Variants in GPHN observed in about 807,000 individuals in gnomAD.
GPHN encodes gephyrin.
Under a neutral mutation model 95.5 loss-of-function variants are expected in GPHN, and 17 were observed. That is an observed-to-expected ratio of 0.18 (90% CI 0.12 to 0.27). The LOEUF is 0.27. GPHN is among the 10% of genes least tolerant of loss of function. The pLI is 1.00. For synonymous variants in GPHN, 320 were observed against 322.5 expected (o/e 0.99, Z 0.08); for missense variants, 660 against 978.1 (o/e 0.67, Z 4.34).
the GPHN span, among the ~76,000 whole-genome samples, chr14:67,330,153 TA>T: frequency 0.16 from 22,191 of 140,230 alleles, 3,146 homozygotes; most frequent in East Asian, 0.41. Flanking sequence ...ATAATAATAA[TA>T]ATTATTATTA....
the GPHN span, among the ~76,000 whole-genome samples, chr14:67,206,850 C>A: frequency 6.6e-6 from 1 of 152,038 alleles, no homozygotes; most frequent in Non-Finnish European, 1.5e-5. Context: ...TATGCCTCAG[C>A]TTTCCAAGTA....
chr14:66,860,530 T>TA (rs1173298909), intron 4 of GPHN, among the ~76,000 whole-genome samples: 3 of 151,984 alleles, frequency 2.0e-5, no homozygotes, highest in Non-Finnish European at 4.4e-5. Context: ...TAATGAGCAA[T>TA]AAAAAATATC....
the GPHN span, among the ~76,000 whole-genome samples, chr14:67,561,539 G>A: frequency 2.6e-5 from 4 of 152,096 alleles, no homozygotes; most frequent in African/African-American, 9.7e-5. Context: ...ACTCCAGCCT[G>A]GGTGATAGAG....
rs1464316411 is a variant in GPHN at position 66,686,227 on chromosome 14, T to C, written c.143+5042T>C. Among the ~76,000 whole-genome samples the C allele has an allele frequency of 7.2e-5, 11 of 152,176 alleles. No homozygotes were observed. The East Asian group carries it at 9.6e-4, about 13-fold the overall frequency. ...TTGGCTTAGGATTGACTTGGCAATG[T>C]GGGCTCTTTTTTGGTTCCATATGAA... On this transcript the variant is annotated intron_variant, in intron 2 of 22. Transcript: ENST00000478722.
the GPHN span, chr14:67,332,932 G>C: frequency 6.2e-7 from 1 of 1,609,366 alleles, no homozygotes; most frequent in South Asian, 1.1e-5. Flanking sequence ...AACCTCAGTG[G>C]GTACCATCCA....
intron 4 of GPHN, among the ~76,000 whole-genome samples, chr14:66,874,938 C>T (rs2063587250): frequency 1.3e-5 from 2 of 152,194 alleles, no homozygotes; most frequent in African/African-American, 4.8e-5. Flanking sequence ...AGGAGAGCAA[C>T]CCCAAGACAC....
the GPHN span, among the ~76,000 whole-genome samples, chr14:67,556,932 G>A: frequency 6.6e-6 from 1 of 152,136 alleles, no homozygotes; most frequent in African/African-American, 2.4e-5. Context: ...CTCCTAGGCT[G>A]TTTGTCCTGC....
the GPHN span, among the ~76,000 whole-genome samples, chr14:67,362,545 A>T: frequency 6.6e-6 from 1 of 152,164 alleles, no homozygotes; most frequent in South Asian, 2.1e-4. Context: ...AGTTCAAAGG[A>T]TGTTATCTTT....
intron 3 of GPHN, among the ~76,000 whole-genome samples, chr14:66,782,834 A>G (rs2059652847): frequency 6.6e-6 from 1 of 152,144 alleles, no homozygotes; most frequent in South Asian, 2.1e-4. Context: ...CTCCATCTCA[A>G]AAACAAACAA....
chr14:67,082,111 G>A (rs1232658473), intron 11 of GPHN, among the ~76,000 whole-genome samples: 1 of 151,964 alleles, frequency 6.6e-6, no homozygotes, highest in Non-Finnish European at 1.5e-5. Flanking sequence ...TGAATTTTAG[G>A]ATTGTCTTTT....
intron 3 of GPHN, among the ~76,000 whole-genome samples, chr14:66,778,482 A>T (rs148401765): frequency 6.6e-6 from 1 of 152,266 alleles, no homozygotes; most frequent in African/African-American, 2.4e-5. Context: ...GTCTTATGGA[A>T]TATTAATTTT....
intron 1 of GPHN, among the ~76,000 whole-genome samples, chr14:66,605,066 G>T (rs1177704255): frequency 6.6e-6 from 1 of 152,122 alleles, no homozygotes; most frequent in Non-Finnish European, 1.5e-5. Flanking sequence ...ATTCCATGGT[G>T]TATATGTGCC....
At chr14:67,252,285 G>A in the GPHN span, among the ~76,000 whole-genome samples, 1 of 152,064 alleles carries the variant, frequency 6.6e-6, no homozygotes, top group African/African-American at 2.4e-5. Context: ...CAACTCCTGG[G>A]CTCAAATAGG....
chr14:67,142,954 A>C (rs1458657483), intron 17 of GPHN: 1 of 267,024 alleles, frequency 3.7e-6, no homozygotes, highest in Admixed American at 4.8e-5. Flanking sequence ...CTCTCTAAAG[A>C]GTCCTATGTG....
the GPHN span, among the ~76,000 whole-genome samples, chr14:67,451,103 C>T: frequency 6.6e-6 from 1 of 152,206 alleles, no homozygotes; most frequent in African/African-American, 2.4e-5. Flanking sequence ...GCAGCTTCCA[C>T]ATGGTGTTGA....
the GPHN span, among the ~76,000 whole-genome samples, chr14:67,246,691 G>T: frequency 8.6e-6 from 1 of 116,924 alleles, no homozygotes; most frequent in Non-Finnish European, 1.7e-5. Context: ...TTGCTCTCTC[G>T]CCAGGCTGGA....
At chr14:67,518,259 C>G in the GPHN span, among the ~76,000 whole-genome samples, 1 of 152,230 alleles carries the variant, frequency 6.6e-6, no homozygotes, top group Non-Finnish European at 1.5e-5. Flanking sequence ...AGGCTTTGCT[C>G]AAGCAAACTT....
At chr14:66,566,795 A>G (rs1212901402) in intron 1 of GPHN, among the ~76,000 whole-genome samples, 2 of 152,186 alleles carry the variant, frequency 1.3e-5, no homozygotes, top group African/African-American at 4.8e-5. Context: ...GCAAATCACT[A>G]GGTTTCTCTT....
intron 1 of GPHN, among the ~76,000 whole-genome samples, chr14:66,650,391 T>G (rs1315583378): frequency 6.6e-6 from 1 of 152,220 alleles, no homozygotes; most frequent in Non-Finnish European, 1.5e-5. Context: ...TCATTCTTAG[T>G]GGCTAACCAC....
Sources: allele counts gnomAD v4.1 joint callset (sites outside exome capture counted in the v4.1 genomes callset), GRCh38; gene constraint gnomAD v4.1.1; transcripts MANE v1.5; gene names NCBI Gene and HGNC (gene_info 2026-07-23, HGNC 2026-07-21).